CDH13: variants seen among roughly 807,000 people sequenced by gnomAD.
The protein encoded by CDH13 is cadherin 13, also known as cadherin-13.
Under a neutral mutation model 63.8 loss-of-function variants are expected in CDH13, and 24 were observed. That is an observed-to-expected ratio of 0.38 (90% CI 0.27 to 0.53). The LOEUF (loss-of-function observed/expected upper bound fraction) is 0.53, where lower values mean the gene tolerates loss of function less well. Among genes scored for constraint, CDH13 ranks in the 20% least tolerant of loss-of-function variants. The pLI is 0.85. For synonymous variants in CDH13, 503 were observed against 355.3 expected, an observed-to-expected ratio of 1.42 and a Z score of -4.67; for missense variants, 1,049 against 903.1, an observed-to-expected ratio of 1.16 and a Z score of -2.07.
intron 5 of CDH13, among the ~76,000 whole-genome samples, chr16:83,219,264 A>T (rs371033695): frequency 6.6e-6 from 1 of 152,156 alleles, no homozygotes; most frequent in Non-Finnish European, 1.5e-5. Context: ...AGTAATTGCT[A>T]AACAGCTAAT....
At chr16:83,041,347 C>T (rs1460664024) in intron 3 of CDH13, among the ~76,000 whole-genome samples, 4 of 151,766 alleles carry the variant, frequency 2.6e-5, no homozygotes, top group South Asian at 4.2e-4. Context: ...ATTTAAAAGA[C>T]GTAATTTTGG....
chr16:82,721,829 G>T (rs1482291055), intron 1 of CDH13, among the ~76,000 whole-genome samples: 2 of 152,152 alleles, frequency 1.3e-5, no homozygotes, highest in African/African-American at 4.8e-5. Context: ...AGCAGAGAGG[G>T]CAGGGAGGAG....
chr16:83,660,323 T>G (rs539780552), intron 8 of CDH13, among the ~76,000 whole-genome samples: 2 of 152,240 alleles, frequency 1.3e-5, no homozygotes, highest in South Asian at 4.1e-4. Flanking sequence ...CTGGGGGTGA[T>G]AGTAGACAAT....
intron 1 of CDH13, among the ~76,000 whole-genome samples, chr16:82,782,500 C>G (rs928623828): frequency 1.2e-4 from 18 of 150,186 alleles, no homozygotes; most frequent in African/African-American, 4.2e-4. Context: ...TGCAGTGAGC[C>G]AAGATCGTAC....
intron 6 of CDH13, among the ~76,000 whole-genome samples, chr16:83,367,839 G>C (rs1207126221): frequency 1.3e-5 from 2 of 152,168 alleles, no homozygotes; most frequent in African/African-American, 4.8e-5. Flanking sequence ...AATTTTGAAA[G>C]GCACTGTTTT....
chr16:83,302,972 C>G (rs1277717270), intron 5 of CDH13, among the ~76,000 whole-genome samples: 1 of 152,238 alleles, frequency 6.6e-6, no homozygotes, highest in East Asian at 1.9e-4. Context: ...GTATTCGGTT[C>G]TTTTCATGTC....
chr16:83,513,878 A>G (rs77045159), intron 7 of CDH13, among the ~76,000 whole-genome samples: 1 of 152,284 alleles, frequency 6.6e-6, no homozygotes, highest in Non-Finnish European at 1.5e-5. Context: ...CTAGTCCCCA[A>G]GTAGCTGATA....
intron 2 of CDH13, among the ~76,000 whole-genome samples, chr16:83,027,655 A>T (rs1915940529): frequency 6.6e-6 from 1 of 152,198 alleles, no homozygotes; most frequent in South Asian, 2.1e-4. Context: ...CTGGTCTTAT[A>T]GTTGCAACAG....
intron 1 of CDH13, among the ~76,000 whole-genome samples, chr16:82,818,902 C>A (rs2037860901): frequency 6.6e-6 from 1 of 152,136 alleles, no homozygotes. Flanking sequence ...ATGAGTTATG[C>A]CTTTATAAAA....
chr16:82,872,241 A>T lies in CDH13; in HGVS notation c.157+13768A>T, dbSNP rs191112427. Reference sequence around the variant, plus strand: ...TTTTTAGGTGGCAGGGGATAAGGACAGCCATCACACCAGGTTTCTTGCTGG... The same window carrying T: ...TTTTTAGGTGGCAGGGGATAAGGACTGCCATCACACCAGGTTTCTTGCTGG... On this transcript the variant is annotated intron_variant, in intron 2 of 13. Coordinates refer to ENST00000567109, the MANE Select transcript of CDH13 (RefSeq NM_001257.5). 8.5e-5 allele frequency among the ~76,000 whole-genome samples: 13 copies of T among 152,356 alleles called. No homozygotes were observed. The East Asian group carries it at 1.7e-3, about 20-fold the overall frequency.
chr16:82,767,991 G>T (rs1427437059), intron 1 of CDH13, among the ~76,000 whole-genome samples: 1 of 152,176 alleles, frequency 6.6e-6, no homozygotes, highest in East Asian at 1.9e-4. Flanking sequence ...GATGGGGAAA[G>T]AGCCAAGGGG....
At chr16:82,698,385 G>T (rs1297403286) in intron 1 of CDH13, among the ~76,000 whole-genome samples, 2 of 152,218 alleles carry the variant, frequency 1.3e-5, no homozygotes, top group African/African-American at 4.8e-5. Flanking sequence ...GGAAGAGAAT[G>T]TATCAGGTAG....
At chr16:83,244,713 A>G (rs972937410) in intron 5 of CDH13, among the ~76,000 whole-genome samples, 1 of 152,186 alleles carries the variant, frequency 6.6e-6, no homozygotes, top group African/African-American at 2.4e-5. Flanking sequence ...TTAAAGGCAC[A>G]TAGGCAATGA....
chr16:82,909,725 C>G (rs1387386151), intron 2 of CDH13, among the ~76,000 whole-genome samples: 1 of 152,064 alleles, frequency 6.6e-6, no homozygotes, highest in Admixed American at 6.5e-5. Flanking sequence ...TCAATTACCT[C>G]CCACCGGGTT....
chr16:83,309,027 A>C (rs1364802597), intron 5 of CDH13, among the ~76,000 whole-genome samples: 1 of 152,018 alleles, frequency 6.6e-6, no homozygotes, highest in Non-Finnish European at 1.5e-5. Context: ...TTCCCTTGTC[A>C]CCTTGTTATG....
chr16:83,548,454 G>T (rs1355961179), intron 7 of CDH13, among the ~76,000 whole-genome samples: 1 of 152,176 alleles, frequency 6.6e-6, no homozygotes, highest in South Asian at 2.1e-4. Flanking sequence ...TCTGGCCCCA[G>T]TGTCCGTAGC....
intron 7 of CDH13, among the ~76,000 whole-genome samples, chr16:83,529,078 T>G (rs1425817565): frequency 1.4e-5 from 2 of 143,984 alleles, no homozygotes; most frequent in Non-Finnish European, 3.0e-5. Flanking sequence ...CCCCTCCCCA[T>G]GAATACCTCT....
intron 6 of CDH13, 86 bp from the exon 7 acceptor site, chr16:83,486,391 A>C: frequency 9.0e-7 from 1 of 1,106,820 alleles, no homozygotes; most frequent in South Asian, 1.5e-5. Context: ...ACACTGCTGC[A>C]CTGCTATTGC....
At chr16:83,429,895 C>T (rs972777506) in intron 6 of CDH13, among the ~76,000 whole-genome samples, 2 of 152,166 alleles carry the variant, frequency 1.3e-5, no homozygotes, top group African/African-American at 2.4e-5. Context: ...CTATCTAGAG[C>T]TAATTCAGCT....
Sources: allele counts gnomAD v4.1 joint callset (sites outside exome capture counted in the v4.1 genomes callset), GRCh38; gene constraint gnomAD v4.1.1; transcripts MANE v1.5; gene names NCBI Gene and HGNC (gene_info 2026-07-23, HGNC 2026-07-21).